Variants in TBC1D16 observed in about 807,000 individuals in gnomAD.
The protein encoded by TBC1D16 is TBC1 domain family member 16.
In TBC1D16, 58 loss-of-function variants were observed where a neutral mutation model predicts 74.7. The observed-to-expected ratio is 0.78, with a 90% CI of 0.63 to 0.97. The LOEUF (loss-of-function observed/expected upper bound fraction) is 0.97, where lower values mean the gene tolerates loss of function less well. Among genes scored for constraint, TBC1D16 ranks in the 50% least tolerant of loss-of-function variants. The pLI is 0.00. For synonymous variants in TBC1D16, 493 were observed against 474.7 expected (o/e 1.04, Z -0.50); for missense variants, 1,014 against 1,079.5 (o/e 0.94, Z 0.85).
At chr17:80,011,963 G>A (rs1032253214) in intron 2 of TBC1D16, among the ~76,000 whole-genome samples, 9 of 152,124 alleles carry the variant, frequency 5.9e-5, no homozygotes, top group African/African-American at 1.7e-4. Flanking sequence ...TGTCACACAC[G>A]GGGTTGCTGG....
intron 3 of TBC1D16, among the ~76,000 whole-genome samples, chr17:79,978,221 A>G (rs115241603): frequency 0.011 from 1,644 of 152,302 alleles, 27 homozygotes; most frequent in African/African-American, 0.037. Context: ...GATGAATCGC[A>G]GCTCCTCGCG....
At chr17:79,953,864 G>A (rs960147990) in intron 3 of TBC1D16, among the ~76,000 whole-genome samples, 3 of 151,404 alleles carry the variant, frequency 2.0e-5, no homozygotes, top group South Asian at 2.1e-4. Context: ...TCTGCCTTCC[G>A]GGTTCAAGCG....
At chr17:79,999,064 C>T (rs558127205) in intron 3 of TBC1D16, among the ~76,000 whole-genome samples, 45 of 152,082 alleles carry the variant, frequency 3.0e-4, no homozygotes, top group African/African-American at 6.7e-4. Flanking sequence ...GAGACCAGCC[C>T]GGCCAACACG....
intron 3 of TBC1D16, among the ~76,000 whole-genome samples, chr17:79,970,832 AC>A (rs1339197870): frequency 7.2e-6 from 1 of 138,300 alleles, no homozygotes. Context: ...CAGTCCTTGT[AC>A]GAGTCCCAGT....
At chr17:79,992,469 GGCAGCCCGCCAGGCTC>G (rs1373188057) in intron 3 of TBC1D16, 5 of 152,254 alleles carry the variant, frequency 3.3e-5, no homozygotes, top group Non-Finnish European at 7.3e-5. Flanking sequence ...CACCCGTCCC[GGCAGCCCGCCAGGCTC>G]GGAGAGAGAC....
Position 79,971,046 on chromosome 17 carries a change from G to A in TBC1D16, c.780-18228C>T, listed in dbSNP as rs537320218. Among the ~76,000 whole-genome samples, 109 of 150,106 alleles carry A rather than the reference G, an allele frequency of 7.3e-4. No individual in the cohort carries two copies. Among genetic ancestry groups the A allele is most frequent in the Middle Eastern group, 3.4e-3 (1 of 294 alleles). On this transcript the variant is annotated intron_variant, in intron 3 of 11. Transcript: ENST00000310924. This position sits in a 1 kb window ranked among gnomAD's most constrained non-coding sequence, Gnocchi z 4.6. ...TTTATTTTTTATTTTTTTTTGAGAT[G>A]GAGTCTGTCTCCATTGCCCAGGCTG...
In TBC1D16 at chr17:79,941,881, T is replaced by C. The variant is rs2032033447; in HGVS notation, c.2055+179A>G. Among the ~76,000 whole-genome samples, 1 of 150,368 alleles carries C rather than the reference T, an allele frequency of 6.7e-6. No individual in the cohort carries two copies. The highest frequency in any genetic ancestry group is 2.5e-5 in the African/African-American group (1 of 39,938). On this transcript the variant is annotated intron_variant, in intron 11 of 11. Coordinates refer to ENST00000310924, the MANE Select transcript of TBC1D16 (RefSeq NM_019020.4). The surrounding 1 kb of genome is among the most constrained non-coding windows in gnomAD (Gnocchi z 4.3). ...CGAGACAGGTGCTGACCACGAGGCC[T>C]TAGTGGGGAGCCCCCAGTGCTATGG...
intron 1 of TBC1D16, among the ~76,000 whole-genome samples, chr17:80,024,681 T>C (rs1438649869): frequency 4.0e-4 from 1 of 2,530 alleles, no homozygotes; most frequent in Non-Finnish European, 1.1e-3. Context: ...CAGACACACA[T>C]GCCATAGACA....
chr17:79,982,748 A>G (rs1299195431), intron 3 of TBC1D16, among the ~76,000 whole-genome samples: 1 of 151,782 alleles, frequency 6.6e-6, no homozygotes, highest in African/African-American at 2.4e-5. Flanking sequence ...AATCCCAGCT[A>G]CTCGGGAGGC....
chr17:79,998,125 C>CA (rs901486919), intron 3 of TBC1D16, among the ~76,000 whole-genome samples: 2,127 of 51,380 alleles, frequency 0.041, 53 homozygotes, highest in Middle Eastern at 0.075. Context: ...AACTCTGTCT[C>CA]AAAAAAAAAA....
At chr17:80,015,791 A>G (rs996913582) in intron 1 of TBC1D16, among the ~76,000 whole-genome samples, 10 of 152,102 alleles carry the variant, frequency 6.6e-5, no homozygotes, top group African/African-American at 2.4e-4. Flanking sequence ...TGGGCGGATC[A>G]CCTGAGGTCA....
Position 79,981,563 on chromosome 17 carries a change from C to A in TBC1D16, c.779+28597G>T, listed in dbSNP as rs12601083. Among the ~76,000 whole-genome samples the A allele has an allele frequency of 2.6e-5, 4 of 152,206 alleles. No homozygotes were observed. Among genetic ancestry groups the A allele is most frequent in the Admixed American group, 6.5e-5 (1 of 15,282 alleles). On this transcript the variant is annotated intron_variant, in intron 3 of 11. Transcript: ENST00000310924. The surrounding 1 kb of genome is among the most constrained non-coding windows in gnomAD (Gnocchi z 6.9). ...AAGCACGCAGAGACATATTCAAGAT[C>A]GTCGGTGATAAAGAAATGCGCATGA...
chr17:79,945,053 A>G lies in TBC1D16; in HGVS notation c.1763T>C (p.Val588Ala), dbSNP rs1304149122. 6.3e-7 allele frequency: 1 copy of G among 1,585,680 alleles called. No homozygotes were observed. The highest frequency in any genetic ancestry group is 8.6e-7 in the Non-Finnish European group (1 of 1,167,648). ...CGAGACCAGGTGCTGGTAGAAGCGC[A>G]CGTGCGTCAGCCGCAGCAGCTCGCG... is the stretch of plus-strand genomic sequence containing the variant. ...YLRELLRLTH[V>A]RFYQHLVSLG... The change falls in exon 10 of 12, where the codon GTG becomes GCG. Residue 588 changes from valine (V) to alanine (A), a missense_variant. By Grantham distance (64) the Val-to-Ala change is moderately conservative. Transcript: ENST00000310924.
At chr17:79,996,242 T>C (rs983546215) in intron 3 of TBC1D16, among the ~76,000 whole-genome samples, 9 of 152,216 alleles carry the variant, frequency 5.9e-5, no homozygotes, top group African/African-American at 2.2e-4. Context: ...ATTATGACTT[T>C]TTCCAAAATC....
chr17:79,969,242 C>T (rs537690859), intron 3 of TBC1D16, among the ~76,000 whole-genome samples: 3 of 152,024 alleles, frequency 2.0e-5, no homozygotes, highest in African/African-American at 7.2e-5. Flanking sequence ...AAAAATTAGC[C>T]GGGTGTGGTG....
rs1210594152 is a variant in TBC1D16 at position 79,994,278 on chromosome 17, C to T, written c.779+15882G>A. Among the ~76,000 whole-genome samples the T allele has an allele frequency of 6.6e-6, 1 of 151,790 alleles. No individual in the cohort carries two copies. The highest frequency in any genetic ancestry group is 1.5e-5 in the Non-Finnish European group (1 of 67,986). On this transcript the variant is annotated intron_variant, in intron 3 of 11. Coordinates refer to ENST00000310924, the MANE Select transcript of TBC1D16 (RefSeq NM_019020.4). The surrounding 1 kb of genome is among the most constrained non-coding windows in gnomAD (Gnocchi z 4.6). The stretch of plus-strand genomic sequence containing the variant: ...GCTGGTGACTTCTAGAATCCCAGCT[C>T]AGGGCCGGGGGGGTGCCAGGGCTGT...
chr17:79,946,538 T>A (rs2032556733), intron 9 of TBC1D16, among the ~76,000 whole-genome samples: 1 of 152,158 alleles, frequency 6.6e-6, no homozygotes, highest in Admixed American at 6.5e-5. Context: ...GGAACCCCGT[T>A]CTACAAGTCA....
At chr17:79,995,184 C>T (rs990333142) in intron 3 of TBC1D16, among the ~76,000 whole-genome samples, 1 of 151,864 alleles carries the variant, frequency 6.6e-6, no homozygotes, top group African/African-American at 2.4e-5. Context: ...CCTGTAATTC[C>T]AGCTACTCCG....
At chr17:80,006,030 A>C (rs1439980456) in intron 3 of TBC1D16, among the ~76,000 whole-genome samples, 1 of 150,886 alleles carries the variant, frequency 6.6e-6, no homozygotes, top group Non-Finnish European at 1.5e-5. Flanking sequence ...CTCCGGGGGG[A>C]CTCAACTCCG....
Sources: allele counts gnomAD v4.1 joint callset (sites outside exome capture counted in the v4.1 genomes callset), GRCh38; gene constraint gnomAD v4.1.1; non-coding constraint Gnocchi (gnomAD v3.1); transcripts MANE v1.5; gene names NCBI Gene and HGNC (gene_info 2026-07-23, HGNC 2026-07-21).